Variants in RAD51B observed in about 807,000 individuals in gnomAD.
RAD51B encodes RAD51 paralog B, also known as DNA repair protein RAD51 homolog 2.
RAD51B carries 38 observed loss-of-function variants against 42.2 expected under a neutral mutation model. The observed-to-expected ratio is 0.90, with a 90% CI of 0.70 to 1.18. The LOEUF is 1.18. Among genes scored for constraint, RAD51B ranks in the 50% most tolerant of loss-of-function variants. The probability of loss-of-function intolerance (pLI) is 0.00; values close to 1 mark genes in which losing one functional copy is unlikely to be tolerated. For synonymous variants in RAD51B, 154 were observed against 145.2 expected, an observed-to-expected ratio of 1.06 and a Z score of -0.43; for missense variants, 373 against 400.7, an observed-to-expected ratio of 0.93 and a Z score of 0.59.
At chr14:67,867,946 T>C (rs912916208) in intron 5 of RAD51B, among the ~76,000 whole-genome samples, 2 of 152,202 alleles carry the variant, frequency 1.3e-5, no homozygotes, top group African/African-American at 2.4e-5. Flanking sequence ...ATATAGAATT[T>C]AGGGTACGTG....
chr14:68,613,506 T>C (rs1393490695), downstream of RAD51B, among the ~76,000 whole-genome samples: 3 of 149,536 alleles, frequency 2.0e-5, no homozygotes, highest in Non-Finnish European at 4.4e-5. Context: ...CAGGCTGGAG[T>C]GCAGTGGCAC....
intron 8 of RAD51B, among the ~76,000 whole-genome samples, chr14:68,364,927 A>G (rs1296149273): frequency 6.6e-6 from 1 of 152,102 alleles, no homozygotes; most frequent in Non-Finnish European, 1.5e-5. Flanking sequence ...CATTCTTTCA[A>G]TAGTTTTAGG....
At chr14:68,255,449 A>G (rs975381345) in intron 7 of RAD51B, among the ~76,000 whole-genome samples, 1 of 152,204 alleles carries the variant, frequency 6.6e-6, no homozygotes, top group Non-Finnish European at 1.5e-5. Context: ...TCCTACTTTC[A>G]TACCTTAGTT....
chr14:68,560,257 GT>G (rs1449909243), intron 10 of RAD51B, among the ~76,000 whole-genome samples: 4 of 152,152 alleles, frequency 2.6e-5, no homozygotes, highest in Non-Finnish European at 5.9e-5. Flanking sequence ...TTTTGGAGCT[GT>G]TGGAGAGGCG....
intron 7 of RAD51B, among the ~76,000 whole-genome samples, chr14:68,203,000 C>T (rs1347359902): frequency 6.6e-6 from 1 of 152,074 alleles, no homozygotes; most frequent in Non-Finnish European, 1.5e-5. Context: ...TGACTTCATC[C>T]AGTCTTAAAC....
chr14:68,156,216 G>T (rs904132325), intron 7 of RAD51B, among the ~76,000 whole-genome samples: 1 of 152,020 alleles, frequency 6.6e-6, no homozygotes, highest in Non-Finnish European at 1.5e-5. Context: ...CACTTTTTTT[G>T]TGTGTGCATG....
At chr14:68,409,919 A>C (rs1401481885) in intron 8 of RAD51B, among the ~76,000 whole-genome samples, 1 of 152,186 alleles carries the variant, frequency 6.6e-6, no homozygotes, top group East Asian at 1.9e-4. Flanking sequence ...TCTTTCTTAC[A>C]CTAAATTCTC....
At chr14:68,440,444 A>G (rs536213082) in intron 9 of RAD51B, among the ~76,000 whole-genome samples, 1 of 152,208 alleles carries the variant, frequency 6.6e-6, no homozygotes, top group African/African-American at 2.4e-5. Context: ...GGCCAAGAGT[A>G]GAAAGTAACC....
chr14:68,598,882 G>A (rs1185806838), downstream of RAD51B, among the ~76,000 whole-genome samples: 1 of 152,192 alleles, frequency 6.6e-6, no homozygotes, highest in Non-Finnish European at 1.5e-5. Context: ...CTGGGTTAAA[G>A]TCCGCTTTGA....
chr14:68,038,658 A>T (rs1316423867), intron 7 of RAD51B, among the ~76,000 whole-genome samples: 2 of 152,208 alleles, frequency 1.3e-5, no homozygotes, highest in African/African-American at 4.8e-5. Flanking sequence ...CTCAAAATTG[A>T]TATGTAAATT....
At chr14:68,078,116 C>A (rs1392661857) in intron 7 of RAD51B, among the ~76,000 whole-genome samples, 2 of 151,884 alleles carry the variant, frequency 1.3e-5, no homozygotes, top group Non-Finnish European at 2.9e-5. Context: ...TAATATAATC[C>A]AATTATAGTC....
intron 8 of RAD51B, among the ~76,000 whole-genome samples, chr14:68,297,843 G>T (rs1427801833): frequency 1.3e-5 from 2 of 152,186 alleles, no homozygotes; most frequent in Admixed American, 6.5e-5. Context: ...GAGCTGGTGT[G>T]CTGGGAACAG....
intron 11 of RAD51B, among the ~76,000 whole-genome samples, chr14:68,655,749 G>T (rs1446312628): frequency 6.6e-6 from 1 of 152,234 alleles, no homozygotes; most frequent in Non-Finnish European, 1.5e-5. Flanking sequence ...GGCCAAGAGG[G>T]CAGGGAGGAG....
chr14:68,324,222 G>C (rs752135531), intron 8 of RAD51B, among the ~76,000 whole-genome samples: 2 of 152,176 alleles, frequency 1.3e-5, no homozygotes, highest in Admixed American at 1.3e-4. Flanking sequence ...AGTCCACTCA[G>C]TGTTAGAATG....
chr14:68,539,353 C>G (rs1207627246), intron 10 of RAD51B, among the ~76,000 whole-genome samples: 1 of 152,186 alleles, frequency 6.6e-6, no homozygotes, highest in Non-Finnish European at 1.5e-5. Context: ...TCATCTTCCC[C>G]TTCTGCCCCA....
chr14:67,997,665 G>A (rs907693120), intron 7 of RAD51B, among the ~76,000 whole-genome samples: 6 of 152,094 alleles, frequency 3.9e-5, no homozygotes, highest in Middle Eastern at 3.4e-3. Context: ...GTCAAATATG[G>A]TAAATTTTTG....
chr14:68,444,443 TG>T (rs1566888347), intron 9 of RAD51B, among the ~76,000 whole-genome samples: 15 of 26,862 alleles, frequency 5.6e-4, no homozygotes, highest in East Asian at 0.012. Context: ...TTGTGAATTG[TG>T]TGTGTGTGTG....
intron 9 of RAD51B, among the ~76,000 whole-genome samples, chr14:68,444,918 T>C (rs1187404575): frequency 2.6e-5 from 4 of 152,222 alleles, no homozygotes; most frequent in African/African-American, 7.2e-5. Flanking sequence ...CTTTGTGGCT[T>C]TGGCTCTTGG....
intron 10 of RAD51B, among the ~76,000 whole-genome samples, chr14:68,628,920 AT>A (rs1490562425): frequency 6.6e-6 from 1 of 152,180 alleles, no homozygotes; most frequent in Non-Finnish European, 1.5e-5. Context: ...CGCTGTACAT[AT>A]TTAGAAAGTA....
Sources: allele counts gnomAD v4.1 joint callset (sites outside exome capture counted in the v4.1 genomes callset), GRCh38; gene constraint gnomAD v4.1.1; transcripts MANE v1.5; gene names NCBI Gene and HGNC (gene_info 2026-07-23, HGNC 2026-07-21).